The following TSGA10 variants were observed in gnomAD, a reference collection of about 807,000 sequenced individuals.
TSGA10 encodes the protein testis-specific gene 10 protein.
TSGA10 carries 43 observed loss-of-function variants against 96.6 expected under a neutral mutation model. The ratio of observed to expected loss-of-function variants is 0.44; its 90% CI spans 0.35 to 0.57. The LOEUF is 0.57. TSGA10 is among the 20% of genes least tolerant of loss of function. TSGA10 has a pLI of 0.01. For synonymous variants in TSGA10, 229 were observed against 269.9 expected (o/e 0.85, Z 1.48); for missense variants, 703 against 834.4 (o/e 0.84, Z 1.94).
At chr2:99,078,854 A>G in intron 11 of TSGA10, 41 bp from the exon 12 acceptor site, 1 of 1,540,404 alleles carries the variant, frequency 6.5e-7, no homozygotes, top group Non-Finnish European at 8.8e-7. Flanking sequence ...AATCAAAATA[A>G]AATCTTTTTT....
intron 16 of TSGA10, among the ~76,000 whole-genome samples, chr2:99,063,592 C>G (rs568801462): frequency 6.6e-6 from 1 of 151,860 alleles, no homozygotes; most frequent in Non-Finnish European, 1.5e-5. Context: ...ATCATGAGGT[C>G]AAGAGATCGA....
intron 10 of TSGA10, among the ~76,000 whole-genome samples, chr2:99,086,928 G>A (rs889097718): frequency 2.6e-5 from 4 of 152,028 alleles, no homozygotes; most frequent in African/African-American, 4.8e-5. Context: ...TTGGGGGCCG[G>A]GCGCAGTGTC....
intron 20 of TSGA10, among the ~76,000 whole-genome samples, chr2:99,014,668 CA>C (rs139212724): frequency 6.6e-6 from 1 of 151,570 alleles, no homozygotes; most frequent in Admixed American, 6.6e-5. Context: ...GAAAATGAGA[CA>C]AAAAAATTAC....
chr2:99,017,536 C>T (rs1573501257), intron 20 of TSGA10, among the ~76,000 whole-genome samples: 1 of 152,008 alleles, frequency 6.6e-6, no homozygotes, highest in African/African-American at 2.4e-5. Flanking sequence ...GAGGCCGAGG[C>T]AGGCGGATCA....
chr2:99,118,234 T>C (rs910415076), intron 3 of TSGA10, among the ~76,000 whole-genome samples: 11 of 151,920 alleles, frequency 7.2e-5, no homozygotes, highest in African/African-American at 2.7e-4. Context: ...GCAGATCATC[T>C]GAGGTCAGGA....
intron 1 of TSGA10, among the ~76,000 whole-genome samples, chr2:99,131,610 T>C (rs1328424151): frequency 2.6e-5 from 4 of 152,196 alleles, no homozygotes; most frequent in African/African-American, 9.6e-5. Context: ...ATACCCCTTA[T>C]TTCTTTCTCT....
chr2:99,105,309 C>G (rs770792310), intron 9 of TSGA10, 50 bp downstream of exon 9: 1 of 1,455,806 alleles, frequency 6.9e-7, no homozygotes, highest in East Asian at 2.3e-5. Flanking sequence ...AAGGGGAAAG[C>G]CATTGAGTGT....
intron 16 of TSGA10, among the ~76,000 whole-genome samples, chr2:99,043,919 C>T (rs1183869700): frequency 6.6e-6 from 1 of 152,122 alleles, no homozygotes; most frequent in Non-Finnish European, 1.5e-5. Context: ...AATTTCATAT[C>T]CAGCCAAACT....
intron 18 of TSGA10, among the ~76,000 whole-genome samples, chr2:99,019,085 T>C (rs1440240011): frequency 6.6e-6 from 1 of 152,168 alleles, no homozygotes; most frequent in African/African-American, 2.4e-5. Flanking sequence ...AAATTTGACA[T>C]ACACAATCTT....
At chr2:99,025,576 T>C (rs997545880) in intron 17 of TSGA10, among the ~76,000 whole-genome samples, 1 of 152,152 alleles carries the variant, frequency 6.6e-6, no homozygotes, top group Non-Finnish European at 1.5e-5. Context: ...TGATTCTTGA[T>C]TGTTTTCACT....
chr2:99,049,595 C>T (rs1230084893), intron 16 of TSGA10, among the ~76,000 whole-genome samples: 4 of 151,662 alleles, frequency 2.6e-5, no homozygotes, highest in East Asian at 3.9e-4. Flanking sequence ...TGGGAGGCTA[C>T]GGGAGGGATG....
At chr2:99,008,717 A>G (rs754760006) in intron 20 of TSGA10, among the ~76,000 whole-genome samples, 29 of 152,258 alleles carry the variant, frequency 1.9e-4, no homozygotes, top group South Asian at 8.3e-4. Flanking sequence ...ACATATGTAC[A>G]AGATTATTCA....
intron 12 of TSGA10, among the ~76,000 whole-genome samples, chr2:99,075,712 T>G (rs2086628423): frequency 6.6e-6 from 1 of 152,180 alleles, no homozygotes; most frequent in South Asian, 2.1e-4. Context: ...TTATACAAAG[T>G]TCTTGATTTT....
intron 10 of TSGA10, among the ~76,000 whole-genome samples, chr2:99,084,198 T>G (rs915463820): frequency 6.6e-6 from 1 of 152,216 alleles, no homozygotes; most frequent in African/African-American, 2.4e-5. Flanking sequence ...GCTCCTCATT[T>G]GATTCTAATA....
At chr2:99,007,603 AT>A (rs1484306409) in intron 20 of TSGA10, among the ~76,000 whole-genome samples, 1 of 152,214 alleles carries the variant, frequency 6.6e-6, no homozygotes, top group Non-Finnish European at 1.5e-5. Context: ...AACCACCTAT[AT>A]AAAGCAAAAT....
chr2:99,093,532 G>C (rs2089629736), intron 10 of TSGA10, among the ~76,000 whole-genome samples: 1 of 116,922 alleles, frequency 8.6e-6, no homozygotes, highest in African/African-American at 2.8e-5. Flanking sequence ...TCCTAGAACT[G>C]ATAAATGAAT....
chr2:99,109,351 A>G, intron 6 of TSGA10, 38 bp downstream of exon 6: 1 of 1,605,992 alleles, frequency 6.2e-7, no homozygotes, highest in Non-Finnish European at 8.5e-7. Flanking sequence ...GTGTCTGGGC[A>G]ACAAACTCCA....
chr2:99,080,769 G>A (rs1425294860), intron 11 of TSGA10, among the ~76,000 whole-genome samples: 1 of 152,064 alleles, frequency 6.6e-6, no homozygotes, highest in Non-Finnish European at 1.5e-5. Flanking sequence ...GTAAGATTAA[G>A]TTAGGACCAT....
chr2:99,129,997 T>C (rs1464957655), intron 1 of TSGA10, among the ~76,000 whole-genome samples: 1 of 152,230 alleles, frequency 6.6e-6, no homozygotes, highest in Non-Finnish European at 1.5e-5. Context: ...ACAGTATCCA[T>C]GGTGTATATG....
Sources: gnomAD v4.1 joint callset for allele counts (sites outside exome capture counted in the v4.1 genomes callset) on GRCh38, gnomAD v4.1.1 for gene constraint, MANE v1.5 for transcripts, NCBI Gene and HGNC (gene_info 2026-07-23, HGNC 2026-07-21) for gene names.